PROM1: variants seen among roughly 807,000 people sequenced by gnomAD.
PROM1 encodes prominin 1.
PROM1 carries 105 observed loss-of-function variants against 116.9 expected under a neutral mutation model. The ratio of observed to expected loss-of-function variants is 0.90; its 90% CI spans 0.77 to 1.06. PROM1 has a LOEUF of 1.06. Among genes scored for constraint, PROM1 ranks in the 50% least tolerant of loss-of-function variants. The pLI is 0.00. For synonymous variants in PROM1, 393 were observed against 387.0 expected (o/e 1.02, Z -0.18); for missense variants, 1,122 against 1,045.2 (o/e 1.07, Z -1.01).
At chr4:15,991,094 A>T (rs2149112117) in intron 18 of PROM1, 128 bp downstream of exon 18, 2 of 714,136 alleles carry the variant, frequency 2.8e-6, no homozygotes, top group Middle Eastern at 2.3e-4. Flanking sequence ...TGACACACAC[A>T]AGAGAGGTGT....
At chr4:15,979,303 G>T (rs539705332) in intron 26 of PROM1, 92 bp downstream of exon 26, 30 of 1,581,522 alleles carry the variant, frequency 1.9e-5, no homozygotes, top group Non-Finnish European at 2.0e-5. Context: ...AGAAGTGAAG[G>T]CATCAGCAGC....
rs1726190986 is a variant in PROM1 at position 16,008,969 on chromosome 4, C to T, written c.1281G>A (p.Leu427=). The change falls in exon 12 of 28, where the codon TTG becomes TTA. Residue 427 remains leucine, a synonymous_variant. Transcript: ENST00000447510. ...ESYIHRNLPT[L]EEYDSYWWLG... is the part of the protein sequence containing the mutation. ...CTCACCAGTATGAATCATACTCTTC[C>T]AATGTAGGTAAATTTCTGTGGATGT... 1 of 1,591,734 alleles carries T rather than the reference C, an allele frequency of 6.3e-7. No homozygotes were observed. Among genetic ancestry groups the T allele is most frequent in the South Asian group, 1.1e-5 (1 of 90,268 alleles).
chr4:16,060,799 C>T (rs1578260776), intron 2 of PROM1, among the ~76,000 whole-genome samples: 1 of 152,120 alleles, frequency 6.6e-6, no homozygotes, highest in Non-Finnish European at 1.5e-5. Context: ...CATATATATA[C>T]ATTGTTTTAA....
In PROM1 at chr4:16,018,416, A is replaced by T. The variant is rs1560497547; in HGVS notation, c.909T>A (p.Asn303Lys). The T allele has an allele frequency of 6.2e-7, 1 of 1,613,906 alleles. No individual in the cohort carries two copies. Among genetic ancestry groups the T allele is most frequent in the Non-Finnish European group, 8.5e-7 (1 of 1,179,900 alleles). The change falls in exon 9 of 28, where the codon AAT becomes AAA. Residue 303 changes from asparagine to lysine, a missense_variant. Transcript: ENST00000447510. ...SVKTSLRSSL[N>K]DPLCLVHPSS... ...ATGGATGCACCAAGCACAGAGGGTC[A>T]TTGAGAGATGACCGCAGGCTAGTTT...
chr4:15,999,403 G>C (rs202017739), intron 14 of PROM1, among the ~76,000 whole-genome samples: 3 of 151,890 alleles, frequency 2.0e-5, no homozygotes, highest in East Asian at 3.9e-4. Context: ...ACCGGGAGGC[G>C]GAGCTGGCAG....
chr4:16,083,401 A>C, intron 1 of PROM1: 1 of 139,320 alleles, frequency 7.2e-6, no homozygotes. Flanking sequence ...GCGGGCCACC[A>C]CTCAGACTAA....
Position 16,006,634 on chromosome 4 carries a change from T to G in PROM1, c.1358A>C (p.Tyr453Ser). The change falls in exon 13 of 28, where the codon TAC (tyrosine) becomes TCC (serine). Residue 453 changes from tyrosine to serine, a missense_variant. Transcript: ENST00000447510. Reference sequence around the variant, plus strand: ...GCACACGCCACACAGTAAGCCCAGGTAGTAAAAAATCACGATGAGGGTCAG... The same window carrying G: ...GCACACGCCACACAGTAAGCCCAGGGAGTAAAAAATCACGATGAGGGTCAG... ...SLLTLIVIFYYLGLLCGVCGY... is the reference protein window; with the variant it reads ...SLLTLIVIFYSLGLLCGVCGY... The G allele has an allele frequency of 1.2e-6, 2 of 1,612,308 alleles. No individual in the cohort carries two copies. The highest frequency in any genetic ancestry group is 2.7e-5 in the African/African-American group (2 of 74,914).
In PROM1 at chr4:16,076,092, G is replaced by A; in HGVS notation, c.-186C>T. On this transcript the variant is annotated 5_prime_UTR_variant, in exon 2 of 28. Coordinates refer to ENST00000447510, the MANE Select transcript of PROM1 (RefSeq NM_006017.3). ...AGGGATGCGGAAGAATGTTCTCCAAGGGGGTCATTCACTCAAGGCACCATC... is the reference window on the plus strand; with the variant it reads ...AGGGATGCGGAAGAATGTTCTCCAAAGGGGTCATTCACTCAAGGCACCATC... 1 of 1,265,332 alleles carries A rather than the reference G, an allele frequency of 7.9e-7. No homozygotes were observed. Among genetic ancestry groups the A allele is most frequent in the Non-Finnish European group, 1.1e-6 (1 of 952,330 alleles). 78.4% of individuals were successfully genotyped at this position (1,265,332 alleles called of 1,614,324 possible). A position where few individuals can be genotyped will look rare whatever the true frequency, so the allele number is the denominator to read the frequency against.
intron 15 of PROM1, among the ~76,000 whole-genome samples, chr4:15,995,422 G>C: frequency 6.6e-6 from 1 of 151,710 alleles, no homozygotes; most frequent in South Asian, 2.1e-4. Flanking sequence ...AGAGGAGGAG[G>C]AAGAGGAAGA....
At position 16,006,708 on chromosome 4, in the gene PROM1, G is replaced by T. The variant is rs1298823434; in HGVS notation, c.1302-18C>A. ...CCAGCCACCTGGAGAGGCAAGCACA[G>T]TGTTAGTATACATGACACAGGTGAC... On this transcript the variant is annotated intron_variant, in intron 12 of 27. Transcript: ENST00000447510. 1.9e-6 allele frequency: 3 copies of T among 1,611,512 alleles called. No individual in the cohort carries two copies. Among genetic ancestry groups the T allele is most frequent in the Non-Finnish European group, 2.5e-6 (3 of 1,179,044 alleles).
chr4:15,968,577 C>T lies in PROM1; in HGVS notation c.*816G>A, dbSNP rs549332062. 1 of 152,202 alleles carries T rather than the reference C, an allele frequency of 6.6e-6. No homozygotes were observed. The highest frequency in any genetic ancestry group is 2.4e-5 in the African/African-American group (1 of 41,446). The allele number at this position is 152,202 out of a possible 1,614,324, so 9.4% of individuals were successfully genotyped here. A position where few individuals can be genotyped will look rare whatever the true frequency, so the allele number is the denominator to read the frequency against. ...TAGCTGCACTCCAATTAATGTTTAT[C>T]GTAATGCAACAGAAAACTCTGTTAA... On this transcript the variant is annotated 3_prime_UTR_variant, in exon 28 of 28. Transcript: ENST00000447510.
Position 16,006,614 on chromosome 4 carries a change from C to T in PROM1, c.1378G>A (p.Val460Met), listed in dbSNP as rs200142945. The change falls in exon 13 of 28, where the codon GTG becomes ATG. Residue 460 changes from valine (V) to methionine (M), a missense_variant. Val to Met is a conservative substitution (Grantham distance 21). Coordinates refer to ENST00000447510, the MANE Select transcript of PROM1 (RefSeq NM_006017.3). Reference protein sequence around the residue: ...IFYYLGLLCGVCGYDRHATPT... With the variant: ...IFYYLGLLCGMCGYDRHATPT... ...GTGGCATGCCTGTCATAGCCGCACACGCCACACAGTAAGCCCAGGTAGTAA... is the reference window on the plus strand; with the variant it reads ...GTGGCATGCCTGTCATAGCCGCACATGCCACACAGTAAGCCCAGGTAGTAA... 77 of 1,611,026 alleles carry T rather than the reference C, an allele frequency of 4.8e-5. No individual in the cohort carries two copies. In the African/African-American group the frequency reaches 4.8e-4, roughly 10 times the overall value.
intron 8 of PROM1, among the ~76,000 whole-genome samples, chr4:16,022,300 G>C (rs1017602313): frequency 3.3e-5 from 5 of 152,162 alleles, no homozygotes; most frequent in Admixed American, 6.5e-5. Context: ...TGGTAATGAA[G>C]AGAACAGATG....
In PROM1 at chr4:16,009,056, C is replaced by T. The variant is rs370217948; in HGVS notation, c.1194G>A (p.Gln398=). Residue 398 remains glutamine, a synonymous_variant, in exon 12 of 28, where the codon CAG becomes CAA. Coordinates refer to ENST00000447510, the MANE Select transcript of PROM1 (RefSeq NM_006017.3). ...SIGSDIDNVT[Q]RLPIQDILSA... ...AGAGTATATCCTGAATAGGAAGACG[C>T]TGAGTTACATTGTCGATATCTGAAC... 1.4e-5 allele frequency: 23 copies of T among 1,610,592 alleles called. No individual in the cohort carries two copies. In the African/African-American group the frequency reaches 2.9e-4, roughly 21 times the overall value.
intron 8 of PROM1, among the ~76,000 whole-genome samples, chr4:16,020,360 C>T (rs1729531231): frequency 6.6e-6 from 1 of 152,140 alleles, no homozygotes; most frequent in Admixed American, 6.5e-5. Context: ...GAAGAGCACC[C>T]TGGGTATCAG....
intron 2 of PROM1, among the ~76,000 whole-genome samples, chr4:16,069,684 C>T (rs1361274611): frequency 1.3e-5 from 2 of 152,134 alleles, no homozygotes; most frequent in African/African-American, 2.4e-5. Flanking sequence ...AATATCACCA[C>T]TTACCACCAT....
intron 23 of PROM1, among the ~76,000 whole-genome samples, chr4:15,981,589 A>AAAAGATGAC (rs1202028390): frequency 1.3e-5 from 2 of 151,982 alleles, no homozygotes; most frequent in Admixed American, 6.5e-5. Flanking sequence ...AGAAAAAAAA[A>AAAAGATGAC]AAAGATGACA....
intron 15 of PROM1, among the ~76,000 whole-genome samples, chr4:15,997,487 G>A (rs760551428): frequency 6.6e-6 from 1 of 151,596 alleles, no homozygotes; most frequent in Non-Finnish European, 1.5e-5. Context: ...CTGAGAGAAA[G>A]TCTCACTCTT....
chr4:16,019,650 C>T (rs926935245), intron 8 of PROM1, among the ~76,000 whole-genome samples: 2 of 152,148 alleles, frequency 1.3e-5, no homozygotes, highest in African/African-American at 4.8e-5. Flanking sequence ...TGGCTTAAAG[C>T]CACAGCAGTA....
Sources: allele counts gnomAD v4.1 joint callset (sites outside exome capture counted in the v4.1 genomes callset), GRCh38; gene constraint gnomAD v4.1.1; transcripts MANE v1.5; gene names NCBI Gene and HGNC (gene_info 2026-07-23, HGNC 2026-07-21).